Variants in EPB41 observed in about 807,000 individuals in gnomAD.
EPB41 encodes the protein protein 4.1.
A neutral mutation model predicts 108.0 loss-of-function variants in EPB41; 65 were observed. The observed-to-expected ratio is 0.60, with a 90% CI of 0.49 to 0.74. EPB41 has a LOEUF of 0.74. EPB41 is among the 30% of genes least tolerant of loss of function. EPB41 has a pLI of 0.00. For missense variants in EPB41, 875 were observed against 1,037.0 expected (o/e 0.84, Z 2.15); for synonymous variants, 336 against 358.9 (o/e 0.94, Z 0.72).
At chr1:28,950,753 A>ATTTT (rs1292210355) in intron 1 of EPB41, among the ~76,000 whole-genome samples, 1 of 152,208 alleles carries the variant, frequency 6.6e-6, no homozygotes, top group African/African-American at 2.4e-5. Flanking sequence ...TCCAACTAAA[A>ATTTT]GGCCACATTT....
intron 1 of EPB41, among the ~76,000 whole-genome samples, chr1:28,957,042 G>A (rs558752309): frequency 1.3e-5 from 2 of 152,378 alleles, no homozygotes; most frequent in Admixed American, 6.5e-5. Flanking sequence ...TGCATGTAAT[G>A]TGAAGAGTGA....
chr1:28,891,028 G>A, intron 1 of EPB41: 11 of 979,324 alleles, frequency 1.1e-5, no homozygotes, highest in Non-Finnish European at 1.3e-5. Flanking sequence ...GAGAGAAAGG[G>A]GCAGAGGGAG....
At chr1:28,959,230 T>C (rs2095096003) in intron 1 of EPB41, among the ~76,000 whole-genome samples, 2 of 148,716 alleles carry the variant, frequency 1.3e-5, no homozygotes, top group Non-Finnish European at 3.0e-5. Flanking sequence ...TTTTTTTTTT[T>C]TTTTTGAGAC....
At chr1:29,086,423 G>A (rs1658957173) in intron 16 of EPB41, among the ~76,000 whole-genome samples, 1 of 151,774 alleles carries the variant, frequency 6.6e-6, no homozygotes, top group African/African-American at 2.4e-5. Context: ...ACAGGCACAT[G>A]CCACCACACC....
intron 1 of EPB41, among the ~76,000 whole-genome samples, chr1:28,971,187 T>TC (rs1176062194): frequency 7.6e-6 from 1 of 131,696 alleles, no homozygotes; most frequent in Non-Finnish European, 1.6e-5. Flanking sequence ...TTTCTTTTTT[T>TC]TTTTTTTTTT....
intron 1 of EPB41, among the ~76,000 whole-genome samples, chr1:28,892,434 A>C (rs148983220): frequency 6.6e-6 from 1 of 152,272 alleles, no homozygotes; most frequent in Non-Finnish European, 1.5e-5. Context: ...AGACAAGTAA[A>C]AACGAGGCCA....
intron 1 of EPB41, among the ~76,000 whole-genome samples, chr1:28,897,639 GGAGGGGAGA>G (rs762171657): frequency 0.63 from 67,795 of 107,746 alleles, 24,071 homozygotes; most frequent in East Asian, 0.87. Context: ...GGAGGGGAGA[GGAGGGGAGA>G]GGAGGGGAGG....
rs1003539618 is a variant in EPB41, at chr1:28,977,864, TC to T, written c.-7-9566del. On this transcript the variant is annotated intron_variant, in intron 1 of 20. Transcript: ENST00000343067. ...GTAAGTGATCCATAGGGTTTTTTTT[TC>T]TTTTTGCTATTTATTTATTTGTTTA... 6.4e-4 allele frequency among the ~76,000 whole-genome samples: 75 copies of T among 116,856 alleles called. 1 individual carries two copies. Among genetic ancestry groups the T allele is most frequent in the East Asian group, 2.0e-3 (4 of 2,022 alleles). 76.7% of individuals were successfully genotyped at this position (116,856 alleles called of 152,430 possible). A position where few individuals can be genotyped will look rare whatever the true frequency, so the allele number is the denominator to read the frequency against.
At chr1:28,954,480 T>C (rs183509306) in intron 1 of EPB41, among the ~76,000 whole-genome samples, 5 of 152,332 alleles carry the variant, frequency 3.3e-5, no homozygotes, top group Admixed American at 2.6e-4. Flanking sequence ...TCCTGAACTT[T>C]CCATTAGCCA....
rs561854398 is a variant in EPB41 at position 28,957,642 on chromosome 1, C to T, written c.-7-29789C>T. The stretch of plus-strand genomic sequence containing the variant: ...CCTGTCCCAAACTCCTGACCTCAGG[C>T]GATCCACCCGCCTTGGCCTCCCAAA... On this transcript the variant is annotated intron_variant, in intron 1 of 20. Transcript: ENST00000343067. Among the ~76,000 whole-genome samples the T allele has an allele frequency of 6.6e-5, 10 of 152,216 alleles. No individual in the cohort carries two copies. The South Asian group carries it at 1.0e-3, about 16-fold the overall frequency.
chr1:28,939,605 G>T (rs983562418), intron 1 of EPB41, among the ~76,000 whole-genome samples: 1 of 151,892 alleles, frequency 6.6e-6, no homozygotes, highest in African/African-American at 2.4e-5. Flanking sequence ...CACCACGCCC[G>T]GCTAACTTTG....
At chr1:28,969,395 T>C (rs1009605589) in intron 1 of EPB41, among the ~76,000 whole-genome samples, 1 of 151,856 alleles carries the variant, frequency 6.6e-6, no homozygotes, top group Non-Finnish European at 1.5e-5. Flanking sequence ...CATGTCTTAC[T>C]TTTCTTTAAA....
chr1:29,042,934 G>A (rs1572957924), intron 11 of EPB41, among the ~76,000 whole-genome samples: 1 of 152,164 alleles, frequency 6.6e-6, no homozygotes, highest in Admixed American at 6.5e-5. Flanking sequence ...GTAAATGGAA[G>A]TGCTAAGAGT....
rs1403443236 is a variant in EPB41 at position 28,964,682 on chromosome 1, G to A, written c.-7-22749G>A. ...GGCTTCCTGTTTTACAGAGAATAAG[G>A]TATAAATTCTTGACCATTGCAAAAG... On this transcript the variant is annotated intron_variant, in intron 1 of 20. Coordinates refer to ENST00000343067, the MANE Select transcript of EPB41 (RefSeq NM_001376013.1). Among the ~76,000 whole-genome samples, 8 of 152,216 alleles carry A rather than the reference G, an allele frequency of 5.3e-5. No individual in the cohort carries two copies. In the Middle Eastern group the frequency reaches 0.01, roughly 194 times the overall value.
At chr1:28,991,415 A>AT (rs1218469261) in intron 2 of EPB41, among the ~76,000 whole-genome samples, 1 of 151,900 alleles carries the variant, frequency 6.6e-6, no homozygotes, top group Admixed American at 6.6e-5. Flanking sequence ...AAAATCATGG[A>AT]TTTTGGGGCT....
At chr1:28,994,633 T>TTTTATTTATTTATTTATTTA (rs71586878) in intron 3 of EPB41, among the ~76,000 whole-genome samples, 15 of 139,852 alleles carry the variant, frequency 1.1e-4, no homozygotes, top group Non-Finnish European at 1.7e-4. Flanking sequence ...GAACAAACTA[T>TTTTATTTATTTATTTATTTA]TTTATTTATT....
At chr1:28,921,156 A>G (rs1377438153) in intron 1 of EPB41, among the ~76,000 whole-genome samples, 1 of 152,216 alleles carries the variant, frequency 6.6e-6, no homozygotes, top group Non-Finnish European at 1.5e-5. Context: ...ATGAATACAT[A>G]GTATTAGGCC....
chr1:29,112,059 T>G (rs1013642816), intron 18 of EPB41, among the ~76,000 whole-genome samples: 5 of 152,058 alleles, frequency 3.3e-5, no homozygotes, highest in African/African-American at 1.2e-4. Context: ...CAGGTCTGGT[T>G]GAGATTTTGG....
At chr1:29,079,858 A>G (rs1043720950) in intron 16 of EPB41, among the ~76,000 whole-genome samples, 1 of 151,896 alleles carries the variant, frequency 6.6e-6, no homozygotes, top group African/African-American at 2.4e-5. Flanking sequence ...TTAGCCAGGC[A>G]TGATTGCGCG....
Sources: allele counts gnomAD v4.1 joint callset (sites outside exome capture counted in the v4.1 genomes callset), GRCh38; gene constraint gnomAD v4.1.1; transcripts MANE v1.5; gene names NCBI Gene and HGNC (gene_info 2026-07-23, HGNC 2026-07-21).